EDARADD: variants seen among roughly 807,000 people sequenced by gnomAD.
EDARADD encodes ectodysplasin-A receptor-associated adapter protein.
EDARADD carries 20 observed loss-of-function variants against 25.6 expected under a neutral mutation model. That is an observed-to-expected ratio of 0.78 (90% confidence interval 0.55 to 1.14). The LOEUF (loss-of-function observed/expected upper bound fraction) is 1.14. Ranked by LOEUF, EDARADD falls within the 50% of genes most tolerant of loss-of-function variation. The pLI is 0.00. For synonymous variants in EDARADD, 86 were observed against 94.4 expected, an observed-to-expected ratio of 0.91 and a Z score of 0.52; for missense variants, 225 against 270.1, an observed-to-expected ratio of 0.83 and a Z score of 1.17.
chr1:236,395,509 A>T lies in EDARADD; in HGVS notation c.61+1004A>T, dbSNP rs941159005. ...GAGGAGGGCAGGGGCGCGCAGAGCC[A>T]CGGTTTGCTCCAGGCGCGTCGGAAC... On this transcript the variant is annotated intron_variant, in intron 1 of 5. Transcript: ENST00000334232. This position sits in a 1 kb window ranked among gnomAD's most constrained non-coding sequence, Gnocchi z 6.9. The T allele has an allele frequency of 1.3e-6, 2 of 1,529,662 alleles. No homozygotes were observed. Among genetic ancestry groups the T allele is most frequent in the Non-Finnish European group, 1.8e-6 (2 of 1,142,520 alleles). The allele number at this position is 1,529,662 out of a possible 1,614,324, so 94.8% of individuals were successfully genotyped here.
In EDARADD at chr1:236,483,783, G is replaced by T. The variant is rs1056510039; in HGVS notation, c.*1134G>T. 1.4e-6 allele frequency: 2 copies of T among 1,469,316 alleles called. No individual in the cohort carries two copies. Among genetic ancestry groups the T allele is most frequent in the Non-Finnish European group, 9.5e-7 (1 of 1,050,162 alleles). The allele number at this position is 1,469,316 out of a possible 1,614,324, so 91.0% of individuals were successfully genotyped here. A position where few individuals can be genotyped will look rare whatever the true frequency, so the allele number is the denominator to read the frequency against. On this transcript the variant is annotated 3_prime_UTR_variant, in exon 6 of 6. Coordinates refer to ENST00000334232, the MANE Select transcript of EDARADD (RefSeq NM_145861.4). Reference sequence around the variant, plus strand: ...GAAATATGGGAAAGATGCCACCGGTGTGGGGGATGGAGGCGCGTTTGCTCC... The same window carrying T: ...GAAATATGGGAAAGATGCCACCGGTTTGGGGGATGGAGGCGCGTTTGCTCC...
At chr1:236,414,190 A>C (rs1657574286) in intron 2 of EDARADD, 70 bp from the exon 3 acceptor site, 2 of 1,371,994 alleles carry the variant, frequency 1.5e-6, no homozygotes, top group Non-Finnish European at 2.1e-6. Flanking sequence ...TTCCCAAGAC[A>C]AAGCTTTCTT....
At chr1:236,368,932 T>C (rs1667143694) in intron 3 of EDARADD, among the ~76,000 whole-genome samples, 2 of 152,180 alleles carry the variant, frequency 1.3e-5, no homozygotes, top group South Asian at 4.1e-4. Context: ...CCCAAGAATA[T>C]GTAAATTTTT....
intron 3 of EDARADD, among the ~76,000 whole-genome samples, chr1:236,363,002 A>ATATATATATATAT (rs1455475348): frequency 2.4e-3 from 141 of 58,022 alleles, no homozygotes; most frequent in Non-Finnish European, 3.4e-3. Context: ...AAAAAAAAAA[A>ATATATATATATAT]AAAAATATAT....
chr1:236,428,982 G>A (rs1474093295), intron 4 of EDARADD, among the ~76,000 whole-genome samples: 2 of 152,150 alleles, frequency 1.3e-5, no homozygotes, highest in African/African-American at 4.8e-5. Flanking sequence ...AAAAAAATAC[G>A]AAAACCAGTC....
At chr1:236,428,949 C>T (rs1327197549) in intron 4 of EDARADD, among the ~76,000 whole-genome samples, 1 of 152,094 alleles carries the variant, frequency 6.6e-6, no homozygotes, top group Non-Finnish European at 1.5e-5. Flanking sequence ...GCCCGGCCAA[C>T]AGGGCGAAAC....
At chr1:236,471,032 C>T (rs904951147) in intron 5 of EDARADD, among the ~76,000 whole-genome samples, 4 of 152,192 alleles carry the variant, frequency 2.6e-5, no homozygotes, top group African/African-American at 9.6e-5. Context: ...CCTCCGCCAC[C>T]GCACCCAGCC....
rs2103000104 is a variant in EDARADD at position 236,394,358 on chromosome 1, C to G, written c.-87C>G. On this transcript the variant is annotated 5_prime_UTR_variant, in exon 1 of 6. Transcript: ENST00000334232. ...TTTCATCTAGAAGGTTTGACTCTGG[C>G]CAGACAACCAGCGAGCATCTTCTCG... 6.9e-7 allele frequency: 1 copy of G among 1,439,108 alleles called. No homozygotes were observed. The highest frequency in any genetic ancestry group is 1.4e-5 in the African/African-American group (1 of 71,562). The allele number at this position is 1,439,108 out of a possible 1,614,324, so 89.1% of individuals were successfully genotyped here.
chr1:236,441,288 A>G (rs1298728128), intron 4 of EDARADD, among the ~76,000 whole-genome samples: 5 of 145,228 alleles, frequency 3.4e-5, no homozygotes, highest in Non-Finnish European at 6.0e-5. Flanking sequence ...TATATTATAT[A>G]TATATAAATA....
rs565239476 is a variant in EDARADD, at chr1:236,476,433, C to T, written c.266-5834C>T. On this transcript the variant is annotated intron_variant, in intron 5 of 5. Transcript: ENST00000334232. ...CAGGCACAGGGCTCACACCTGTAAT[C>T]CCAGCACTTCGGGAGGCCGAGGCAG... is the stretch of plus-strand genomic sequence containing the variant. Among the ~76,000 whole-genome samples, 9 of 152,228 alleles carry T rather than the reference C, an allele frequency of 5.9e-5. No individual in the cohort carries two copies. In the South Asian group the frequency reaches 1.9e-3, roughly 32 times the overall value.
intron 3 of EDARADD, among the ~76,000 whole-genome samples, chr1:236,367,805 A>G (rs1667128858): frequency 6.6e-6 from 1 of 152,334 alleles, no homozygotes; most frequent in South Asian, 2.1e-4. Flanking sequence ...AAAGAGGAAA[A>G]GCATAATCGG....
At chr1:236,467,424 G>GCACACA (rs369424991) in intron 4 of EDARADD, among the ~76,000 whole-genome samples, 4,258 of 120,834 alleles carry the variant, frequency 0.035, 158 homozygotes, top group African/African-American at 0.12. Flanking sequence ...GCACACACAC[G>GCACACA]CGCACACACA....
chr1:236,366,076 G>A (rs1027187224), intron 3 of EDARADD, among the ~76,000 whole-genome samples: 2 of 152,054 alleles, frequency 1.3e-5, no homozygotes, highest in African/African-American at 2.4e-5. Flanking sequence ...CGCTAACATC[G>A]GTGTCAGTTC....
chr1:236,380,399 TAAG>T (rs879792113), intron 3 of EDARADD, among the ~76,000 whole-genome samples: 5 of 151,958 alleles, frequency 3.3e-5, no homozygotes, highest in African/African-American at 9.7e-5. Context: ...GTCTGGAAAA[TAAG>T]AAGACTGAAG....
chr1:236,391,547 C>G (rs542386284), upstream of EDARADD, among the ~76,000 whole-genome samples: 12 of 152,282 alleles, frequency 7.9e-5, no homozygotes, highest in South Asian at 2.3e-3. Context: ...CATCGTGGTT[C>G]TAGCCACTTT....
At chr1:236,405,739 T>TTC (rs1367407556) in intron 1 of EDARADD, among the ~76,000 whole-genome samples, 1 of 43,766 alleles carries the variant, frequency 2.3e-5, no homozygotes. Flanking sequence ...CTTTCTTTCT[T>TTC]TCTTTCTTTC....
intron 1 of EDARADD, among the ~76,000 whole-genome samples, chr1:236,405,075 CAG>C (rs1491213979): frequency 8.6e-5 from 13 of 152,000 alleles, no homozygotes; most frequent in Admixed American, 8.5e-4. Context: ...GCCTGGGCGA[CAG>C]AGTGAGACTC....
At chr1:236,394,126 G>T (rs1189196601), upstream of EDARADD, among the ~76,000 whole-genome samples, 2 of 152,140 alleles carry the variant, frequency 1.3e-5, no homozygotes, top group African/African-American at 4.8e-5. Context: ...AATGCTTGAG[G>T]TTGGGCTGCT....
chr1:236,457,829 A>AT (rs1460057607), intron 4 of EDARADD, among the ~76,000 whole-genome samples: 2 of 148,348 alleles, frequency 1.3e-5, no homozygotes, highest in African/African-American at 4.9e-5. Flanking sequence ...CCACCAAAAA[A>AT]AAAAAAAAAA....
Sources: allele counts gnomAD v4.1 joint callset (sites outside exome capture counted in the v4.1 genomes callset), GRCh38; gene constraint gnomAD v4.1.1; non-coding constraint Gnocchi (gnomAD v3.1); transcripts MANE v1.5; gene names NCBI Gene and HGNC (gene_info 2026-07-23, HGNC 2026-07-21).